Variants in LTBP4 observed in about 807,000 individuals in gnomAD.
LTBP4 encodes latent-transforming growth factor beta-binding protein 4.
A neutral mutation model predicts 180.2 loss-of-function variants in LTBP4; 93 were observed. The observed-to-expected ratio is 0.52, with a 90% confidence interval of 0.44 to 0.61. The LOEUF is 0.61. Among genes scored for constraint, LTBP4 ranks in the 20% least tolerant of loss-of-function variants. LTBP4 has a pLI of 0.00. For missense variants in LTBP4, 2,116 were observed against 2,256.5 expected (o/e 0.94, Z 1.26); for synonymous variants, 947 against 934.5 (o/e 1.01, Z -0.24).
chr19:40,598,807 G>A (rs2081404879), upstream of LTBP4, among the ~76,000 whole-genome samples: 1 of 152,192 alleles, frequency 6.6e-6, no homozygotes. Context: ...TCTGAGTCCC[G>A]GACCGGGATG....
chr19:40,609,531 T>A lies in LTBP4; in HGVS notation c.1428T>A (p.Gly476=). The A allele has an allele frequency of 1.2e-6, 2 of 1,612,668 alleles. No individual in the cohort carries two copies. The highest frequency in any genetic ancestry group is 1.7e-6 in the Non-Finnish European group (2 of 1,179,480). Residue 476 remains glycine, a splice_region_variant and synonymous_variant, in exon 10 of 30, where the codon GGT becomes GGA. Transcript: ENST00000396819. This position sits in a 1 kb window ranked among gnomAD's most constrained non-coding sequence, Gnocchi z 4.9. ...ACCCTGGCTGACTGGACCCCCCAGG[T>A]CCCTCCTCCGGCATGTGTCAGCGCA... ...AWTGPEIPES[G]PSSGMCQRNP...
intron 26 of LTBP4, among the ~76,000 whole-genome samples, chr19:40,625,271 TATATATATATATATATATATATATATATA>T (rs1568414289): frequency 0.043 from 250 of 5,834 alleles, 37 homozygotes; most frequent in South Asian, 0.073. Flanking sequence ...TATATATATA[TATATATATATATATATATATATATATATA>T]TATATATATA....
At position 40,601,625 on chromosome 19, in the gene LTBP4, G is replaced by T; in HGVS notation, c.238G>T (p.Gly80Cys). The T allele has an allele frequency of 7.3e-7, 1 of 1,371,540 alleles. No individual in the cohort carries two copies. Among genetic ancestry groups the T allele is most frequent in the Non-Finnish European group, 9.3e-7 (1 of 1,069,818 alleles). The allele number at this position is 1,371,540 out of a possible 1,614,324, so 85.0% of individuals were successfully genotyped here. ...APGGAAPGGP[G>C]FRAFLCPLIC... ...CGGCGGGGCGGCCCCGGGGGGACCC[G>T]GCTTCCGCGCCTGTGAGTGCGGGGT... is the stretch of plus-strand genomic sequence containing the variant. The change falls in exon 1 of 30, where the codon GGC (glycine) becomes TGC (cysteine). Residue 80 changes from glycine to cysteine, a missense_variant. By Grantham distance (159) the Gly-to-Cys change is radical. This residue lies in a region of LTBP4 where 469 missense variants were observed against 532.5 expected (regional missense o/e 0.88). Transcript: ENST00000396819.
At chr19:40,620,943 GTT>G (rs879638174) in intron 22 of LTBP4, among the ~76,000 whole-genome samples, 7 of 147,084 alleles carry the variant, frequency 4.8e-5, no homozygotes, top group African/African-American at 7.5e-5. Flanking sequence ...CCAACAGCCA[GTT>G]TTTTTTTTTC....
In LTBP4 at chr19:40,622,747, C is replaced by A; in HGVS notation, c.3484+80C>A. On this transcript the variant is annotated intron_variant, in intron 23 of 29. Transcript: ENST00000396819. This position sits in a 1 kb window ranked among gnomAD's most constrained non-coding sequence, Gnocchi z 5.1. ...TGGGGTGTGGGCCTGGGACAGGGGA[C>A]ACTTTTGGACAGGGCCTTGAGGTAC... 1 of 1,492,870 alleles carries A rather than the reference C, an allele frequency of 6.7e-7. No homozygotes were observed. The highest frequency in any genetic ancestry group is 8.9e-7 in the Non-Finnish European group (1 of 1,117,494). The allele number at this position is 1,492,870 out of a possible 1,614,324, so 92.5% of individuals were successfully genotyped here. A position where few individuals can be genotyped will look rare whatever the true frequency, so the allele number is the denominator to read the frequency against.
At position 40,623,949 on chromosome 19, in the gene LTBP4, C is replaced by T. The variant is rs778594212; in HGVS notation, c.3699C>T (p.Cys1233=). 58 of 1,613,798 alleles carry T rather than the reference C, an allele frequency of 3.6e-5. No homozygotes were observed. Among genetic ancestry groups the T allele is most frequent in the Non-Finnish European group, 4.7e-5 (55 of 1,179,858 alleles). Residue 1233 remains cysteine, a synonymous_variant, in exon 26 of 30, where the codon TGC becomes TGT. Transcript: ENST00000396819. ...TCCTCTCCCTAGACAATGACGAGTGCGCCGATGAGGAACCGGCCTGTGAGG... is the reference window on the plus strand; with the variant it reads ...TCCTCTCCCTAGACAATGACGAGTGTGCCGATGAGGAACCGGCCTGTGAGG... ...QRLECIDNDE[C]ADEEPACEGG... is the part of the protein sequence containing the mutation.
chr19:40,623,072 C>G, intron 24 of LTBP4, 51 bp downstream of exon 24: 2 of 1,431,556 alleles, frequency 1.4e-6, no homozygotes, highest in Admixed American at 2.2e-5. Flanking sequence ...GGCCCAGCTT[C>G]GTCTCTTCCT....
chr19:40,611,804 C>A lies in LTBP4; in HGVS notation c.2054-55C>A. ...GGAATGCTGGGGTGGGTGGTGATGG[C>A]CATGGGAATGGATTCAGGCCCCTTC... On this transcript the variant is annotated intron_variant, in intron 13 of 29. Coordinates refer to ENST00000396819, the MANE Select transcript of LTBP4 (RefSeq NM_001042545.2). The surrounding 1 kb of genome is among the most constrained non-coding windows in gnomAD (Gnocchi z 4.4). 6.4e-7 allele frequency: 1 copy of A among 1,563,626 alleles called. No individual in the cohort carries two copies. Among genetic ancestry groups the A allele is most frequent in the Admixed American group, 1.8e-5 (1 of 55,244 alleles).
At chr19:40,608,865 C>G in intron 9 of LTBP4, 1 of 243,506 alleles carries the variant, frequency 4.1e-6, no homozygotes. Flanking sequence ...GAGCTGAGAT[C>G]GTGCCATTGC....
intron 1 of LTBP4, 60 bp from the exon 2 acceptor site, chr19:40,604,975 G>C: frequency 6.8e-7 from 1 of 1,475,088 alleles, no homozygotes; most frequent in Non-Finnish European, 9.3e-7. Flanking sequence ...AGGGAGTAGG[G>C]ACCCCAGGAG....
upstream of LTBP4, chr19:40,599,531 G>A: frequency 1.2e-6 from 2 of 1,611,438 alleles, no homozygotes; most frequent in African/African-American, 1.3e-5. Flanking sequence ...GAAGAGACAG[G>A]TGTCCCTCAA....
chr19:40,623,725 G>A lies in LTBP4; in HGVS notation c.3678G>A (p.Glu1226=). 6.2e-7 allele frequency: 1 copy of A among 1,613,886 alleles called. No individual in the cohort carries two copies. Among genetic ancestry groups the A allele is most frequent in the Non-Finnish European group, 8.5e-7 (1 of 1,179,872 alleles). ...NGYYYHTQRL[E]CIDNDECADE... is the part of the protein sequence containing the mutation. ...ACTACTACCACACACAGCGGCTGGA[G>A]TGCATCGGTACAAGCCCCACCTCCC... is the stretch of plus-strand genomic sequence containing the variant. The change falls in exon 25 of 30, where the codon GAG becomes GAA. Residue 1226 remains glutamate, a synonymous_variant. Transcript: ENST00000396819.
chr19:40,608,544 G>A lies in LTBP4; in HGVS notation c.1367G>A (p.Gly456Asp). 4.4e-6 allele frequency: 7 copies of A among 1,605,966 alleles called. No homozygotes were observed. The highest frequency in any genetic ancestry group is 5.9e-6 in the Non-Finnish European group (7 of 1,176,664). Residue 456 changes from glycine (G) to aspartate (D), a missense_variant, in exon 9 of 30, where the codon GGC becomes GAC. Physicochemically the swap from Gly to Asp is moderately conservative, Grantham distance 94. Around this residue, in one of 5 missense-constraint regions of LTBP4, gnomAD observed 877 missense variants for 873.6 expected, o/e 1.00. Transcript: ENST00000396819. The stretch of plus-strand genomic sequence containing the variant: ...GAACCCCGGCCCGATCCCCGGCCCG[G>A]CCCTGAGCTTCCCTTGCCCAGCATC... ...RPEPRPDPRP[G>D]PELPLPSIPA...
intron 22 of LTBP4, among the ~76,000 whole-genome samples, chr19:40,621,907 C>T (rs2081588653): frequency 6.6e-6 from 1 of 152,140 alleles, no homozygotes; most frequent in Non-Finnish European, 1.5e-5. Context: ...GCCACCACAC[C>T]CGGCTAATTT....
At chr19:40,601,308 C>T (rs1304499942), upstream of LTBP4, 6 of 972,388 alleles carry the variant, frequency 6.2e-6, no homozygotes, top group African/African-American at 1.8e-5. Context: ...GGCGACCTCC[C>T]CCGCGGGCGG....
At chr19:40,620,543 A>G (rs1168611042) in intron 22 of LTBP4, among the ~76,000 whole-genome samples, 1 of 151,928 alleles carries the variant, frequency 6.6e-6, no homozygotes, top group Non-Finnish European at 1.5e-5. Context: ...TGGGAGGCCA[A>G]GGCGGGAGGA....
Position 40,609,759 on chromosome 19 carries a change from T to C in LTBP4, c.1572T>C (p.Cys524=). 2 of 1,612,022 alleles carry C rather than the reference T, an allele frequency of 1.2e-6. No homozygotes were observed. The change falls in exon 11 of 30, where the codon TGT becomes TGC. Residue 524 remains cysteine, a synonymous_variant. Transcript: ENST00000396819. The surrounding 1 kb of genome is among the most constrained non-coding windows in gnomAD (Gnocchi z 4.9). ...CCGTGTCCTCAGATGTGGACGAATG[T>C]CGCCGCGTGCCCCCGCCCTGTGCTC... is the stretch of plus-strand genomic sequence containing the variant. ...QGTRCIDVDE[C]RRVPPPCAPG...
upstream of LTBP4, among the ~76,000 whole-genome samples, chr19:40,601,187 G>A (rs982196001): frequency 3.3e-5 from 5 of 151,898 alleles, no homozygotes; most frequent in African/African-American, 9.7e-5. Flanking sequence ...GCTCACCCCT[G>A]CGAGTCTAGC....
At position 40,617,219 on chromosome 19, in the gene LTBP4, T is replaced by C. The variant is rs1221591833; in HGVS notation, c.3064T>C (p.Cys1022Arg). The C allele has an allele frequency of 2.5e-6, 4 of 1,613,246 alleles. No homozygotes were observed. In the Admixed American group the frequency reaches 5.0e-5, roughly 20 times the overall value. ...CGAGGGGGCACGGGATGGGCGTCAC[T>C]GCGTGGGTACGGGACTTCAGGAGGT... ...GYEGARDGRHCVDVNECETLQ... is the reference protein window; with the variant it reads ...GYEGARDGRHRVDVNECETLQ... Residue 1022 changes from cysteine (C) to arginine (R), a missense_variant, in exon 21 of 30, where the codon TGC becomes CGC. Cys to Arg is a radical substitution (Grantham distance 180, BLOSUM62 -3). Transcript: ENST00000396819.
Sources: allele counts gnomAD v4.1 joint callset (sites outside exome capture counted in the v4.1 genomes callset), GRCh38; gene constraint gnomAD v4.1.1; regional missense constraint gnomAD v4.1.1; non-coding constraint Gnocchi (gnomAD v3.1); transcripts MANE v1.5; gene names NCBI Gene and HGNC (gene_info 2026-07-23, HGNC 2026-07-21).